GNPTAB: variants seen among roughly 807,000 people sequenced by gnomAD.
GNPTAB encodes the protein N-acetylglucosamine-1-phosphate transferase subunits alpha and beta.
Under a neutral mutation model 136.6 loss-of-function variants are expected in GNPTAB, and 92 were observed. That is an observed-to-expected ratio of 0.67 (90% CI 0.57 to 0.80). The LOEUF (loss-of-function observed/expected upper bound fraction) is 0.80, where lower values mean the gene tolerates loss of function less well. GNPTAB is among the 30% of genes least tolerant of loss of function. The pLI is 0.00. For synonymous variants in GNPTAB, 512 were observed against 535.1 expected (o/e 0.96, Z 0.60); for missense variants, 1,343 against 1,501.8 (o/e 0.89, Z 1.75).
rs1164977543 is a variant in GNPTAB, at chr12:101,764,559, C to T, written c.2358G>A (p.Gln786=). The part of the protein sequence containing the change: ...PNSLGVSERL[Q]RLTFPAVSVK... ...CACTCACTGCAGGAAAAGTCAACCT[C>T]TGCAATCTTTCAGACACTCCTAAGC... The change falls in exon 13 of 21, where the codon CAG becomes CAA. Residue 786 remains glutamine (Q), a synonymous_variant. Transcript: ENST00000299314. 2 of 1,613,480 alleles carry T rather than the reference C, an allele frequency of 1.2e-6. No homozygotes were observed.
At chr12:101,815,504 C>A (rs1870471007) in intron 1 of GNPTAB, among the ~76,000 whole-genome samples, 1 of 151,990 alleles carries the variant, frequency 6.6e-6, no homozygotes, top group Admixed American at 6.6e-5. Flanking sequence ...CCCAGCTACT[C>A]AGGGGGCTGA....
At chr12:101,780,670 C>A (rs369238597) in intron 5 of GNPTAB, 49 bp from the exon 6 acceptor site, 1 of 1,153,296 alleles carries the variant, frequency 8.7e-7, no homozygotes, top group Non-Finnish European at 1.3e-6. Context: ...GAATACTCAA[C>A]TATGGTGTCT....
rs775260869 is a variant in GNPTAB at position 101,764,756 on chromosome 12, C to A, written c.2161G>T (p.Gly721Ter). The change falls in exon 13 of 21, where the codon GGA becomes TGA. Residue 721 changes from glycine to a stop codon, truncating the protein, a stop_gained. Coordinates refer to ENST00000299314, the MANE Select transcript of GNPTAB (RefSeq NM_024312.5). LOFTEE classifies it high-confidence loss of function. ...LNTLDLQLEH[G>*]DITLKGYNLS... ...TTGTATCCTTTCAAAGTGATGTCTC[C>A]ATGTTCCAGTTGCAAATCCAAGGTA... 6.2e-7 allele frequency: 1 copy of A among 1,614,148 alleles called. No homozygotes were observed. The highest frequency in any genetic ancestry group is 8.5e-7 in the Non-Finnish European group (1 of 1,180,006).
chr12:101,827,430 G>A (rs1264056387), intron 1 of GNPTAB, among the ~76,000 whole-genome samples: 1 of 151,580 alleles, frequency 6.6e-6, no homozygotes, highest in African/African-American at 2.4e-5. Context: ...GTAGAGACAG[G>A]GTCTCCTTTG....
intron 1 of GNPTAB, among the ~76,000 whole-genome samples, chr12:101,805,739 C>T (rs1305706042): frequency 6.6e-6 from 1 of 152,052 alleles, no homozygotes; most frequent in African/African-American, 2.4e-5. Flanking sequence ...AAAAATTGCT[C>T]CTTTCTTGAG....
chr12:101,817,668 A>G (rs1031871940), intron 1 of GNPTAB, among the ~76,000 whole-genome samples: 4 of 152,140 alleles, frequency 2.6e-5, no homozygotes, highest in African/African-American at 7.2e-5. Context: ...AAAGTAATTA[A>G]TTTTTTAAAT....
chr12:101,763,828 C>T lies in GNPTAB; in HGVS notation c.2715+374G>A, dbSNP rs532195908. On this transcript the variant is annotated intron_variant, in intron 13 of 20. Transcript: ENST00000299314. ...ATTTGCTGTTATAATGTTGGGGAAG[C>T]GAATGAACTTAATTGAACTTCAGGG... Among the ~76,000 whole-genome samples, 180 of 152,242 alleles carry T rather than the reference C, an allele frequency of 1.2e-3. 1 individual carries two copies. In the South Asian group the frequency reaches 0.014, roughly 12 times the overall value.
At chr12:101,756,711 G>A (rs1952906199) in intron 18 of GNPTAB, 2 of 185,036 alleles carry the variant, frequency 1.1e-5, no homozygotes, top group South Asian at 8.6e-5. Context: ...ACAGTTAAGG[G>A]GCTAGTAAAG....
At position 101,785,810 on chromosome 12, in the gene GNPTAB, A is replaced by G; in HGVS notation, c.571+202T>C. The G allele has an allele frequency of 8.7e-6, 5 of 574,898 alleles. No individual in the cohort carries two copies. In the South Asian group the frequency reaches 1.0e-4, roughly 12 times the overall value. The allele number at this position is 574,898 out of a possible 1,614,324, so 35.6% of individuals were successfully genotyped here. A position where few individuals can be genotyped will look rare whatever the true frequency, so the allele number is the denominator to read the frequency against. On this transcript the variant is annotated intron_variant, in intron 5 of 20. Coordinates refer to ENST00000299314, the MANE Select transcript of GNPTAB (RefSeq NM_024312.5). The stretch of plus-strand genomic sequence containing the variant: ...CATCACAGCACAGAAAGGTATGTGT[A>G]TTACACAGAGTAAAATATATGCAGC...
At chr12:101,780,408 G>A (rs1953324210) in intron 6 of GNPTAB, 122 bp from the exon 7 acceptor site, 5 of 1,187,174 alleles carry the variant, frequency 4.2e-6, no homozygotes, top group Non-Finnish European at 6.2e-6. Context: ...TGATTTTTAG[G>A]ATTACTTGAA....
chr12:101,786,094 A>C lies in GNPTAB; in HGVS notation c.489T>G (p.Ser163=). ...DLPSLYPSFH[S]ASDIFNVAKP... The stretch of plus-strand genomic sequence containing the variant: ...TTGCAACATTGAAAATGTCACTGGC[A>C]GAATGAAAAGAAGGATAAAGAGATG... The change falls in exon 5 of 21, where the codon TCT becomes TCG. Residue 163 remains serine (S), a synonymous_variant. Coordinates refer to ENST00000299314, the MANE Select transcript of GNPTAB (RefSeq NM_024312.5). 1 of 1,614,144 alleles carries C rather than the reference A, an allele frequency of 6.2e-7. No individual in the cohort carries two copies. The highest frequency in any genetic ancestry group is 8.5e-7 in the Non-Finnish European group (1 of 1,179,992).
chr12:101,757,241 G>A lies in GNPTAB; in HGVS notation c.3405C>T (p.Gly1135=), dbSNP rs746803948. The A allele has an allele frequency of 6.2e-7, 1 of 1,605,094 alleles. No homozygotes were observed. The highest frequency in any genetic ancestry group is 8.5e-7 in the Non-Finnish European group (1 of 1,172,870). The change falls in exon 18 of 21, where the codon GGC becomes GGT. Residue 1135 remains glycine, a synonymous_variant. Transcript: ENST00000299314. ...MIRTNVSHVV[G]QLDDIRKNPR... is the part of the protein sequence containing the mutation. ...GGTTTTTTCTTATGTCATCCAACTG[G>A]CCAACCACATGAGAAACGTTGGTAC... is the stretch of plus-strand genomic sequence containing the variant.
Position 101,788,450 on chromosome 12 carries a change from AAC to A in GNPTAB, c.365+96_365+97del, listed in dbSNP as rs4015837. 264,879 of 827,922 alleles carry A rather than the reference AAC, an allele frequency of 0.32. 43,172 individuals carry two copies. Among genetic ancestry groups the A allele is most frequent in the East Asian group, 0.42 (17,131 of 41,124 alleles). The allele number at this position is 827,922 out of a possible 1,614,324, so 51.3% of individuals were successfully genotyped here. A position where few individuals can be genotyped will look rare whatever the true frequency, so the allele number is the denominator to read the frequency against. ...GGGGTCAAAAACTATATGGATAATAAACACAAAATCCTGTGTACCCAATAAAA... is the reference window on the plus strand; with the variant it reads ...GGGGTCAAAAACTATATGGATAATAAACAAAATCCTGTGTACCCAATAAAA... On this transcript the variant is annotated intron_variant, in intron 4 of 20. Coordinates refer to ENST00000299314, the MANE Select transcript of GNPTAB (RefSeq NM_024312.5).
rs550439013 is a variant in GNPTAB, at chr12:101,808,548, AAAAG to A, written c.118-11790_118-11787del. ...CAGAGCAAGACTCCGTCTCCAAAAA[AAAAG>A]AAAGAAAATCTAGGTGACCTTGGAT... On this transcript the variant is annotated intron_variant, in intron 1 of 20. Coordinates refer to ENST00000299314, the MANE Select transcript of GNPTAB (RefSeq NM_024312.5). Among the ~76,000 whole-genome samples, 193 of 152,264 alleles carry A rather than the reference AAAAG, an allele frequency of 1.3e-3. 2 individuals carry two copies. The highest frequency in any genetic ancestry group is 4.1e-3 in the African/African-American group (171 of 41,554).
chr12:101,764,297 C>G lies in GNPTAB; in HGVS notation c.2620G>C (p.Glu874Gln). 1 of 1,614,000 alleles carries G rather than the reference C, an allele frequency of 6.2e-7. No individual in the cohort carries two copies. The highest frequency in any genetic ancestry group is 8.5e-7 in the Non-Finnish European group (1 of 1,179,988). Residue 874 changes from glutamate (E) to glutamine (Q), a missense_variant, in exon 13 of 21, where the codon GAA becomes CAA. By Grantham distance (29) the Glu-to-Gln change is conservative (BLOSUM62 2). Coordinates refer to ENST00000299314, the MANE Select transcript of GNPTAB (RefSeq NM_024312.5). ...TGCAGCTTTCTTCCAAGTAACACTT[C>G]AGTAACGCCTATGTGATTTTCAGCA... The part of the protein sequence containing the change: ...ENAENHIGVT[E>Q]VLLGRKLQHY...
At chr12:101,763,638 G>A (rs1953035493) in intron 13 of GNPTAB, among the ~76,000 whole-genome samples, 2 of 152,074 alleles carry the variant, frequency 1.3e-5, no homozygotes, top group Non-Finnish European at 2.9e-5. Flanking sequence ...CTTCTCTACT[G>A]GTCCCTGAGT....
At chr12:101,810,733 T>C (rs1247600955) in intron 1 of GNPTAB, 1 of 151,054 alleles carries the variant, frequency 6.6e-6, no homozygotes, top group Non-Finnish European at 1.5e-5. Flanking sequence ...AAAGTATTAT[T>C]TAAAAAAAAA....
In GNPTAB at chr12:101,746,241, T is replaced by C. The variant is rs548623614; in HGVS notation, c.*923A>G. On this transcript the variant is annotated 3_prime_UTR_variant, in exon 21 of 21. Transcript: ENST00000299314. ...ACACAGGTGGCCTGCAATAATTTAC[T>C]AACCAGCCTTTTACAAAGAAAGTTT... 2 of 152,216 alleles carry C rather than the reference T, an allele frequency of 1.3e-5. No homozygotes were observed. The highest frequency in any genetic ancestry group is 4.2e-4 in the South Asian group (2 of 4,816). 9.4% of individuals were successfully genotyped at this position (152,216 alleles called of 1,614,324 possible).
chr12:101,806,148 G>C (rs7309840), intron 1 of GNPTAB, among the ~76,000 whole-genome samples: 27,012 of 152,024 alleles, frequency 0.18, 2,447 homozygotes, highest in South Asian at 0.22. Flanking sequence ...AAGTAGTCAA[G>C]GGATAAAGTG....
Sources: allele counts gnomAD v4.1 joint callset (sites outside exome capture counted in the v4.1 genomes callset), GRCh38; gene constraint gnomAD v4.1.1; transcripts MANE v1.5; gene names NCBI Gene and HGNC (gene_info 2026-07-23, HGNC 2026-07-21).